MACROH2A1: variants seen among roughly 807,000 people sequenced by gnomAD.
The protein encoded by MACROH2A1 is core histone macro-H2A.1.
In MACROH2A1, 2 loss-of-function variants were observed where a neutral mutation model predicts 31.6. The observed-to-expected ratio is 0.06, with a 90% CI of 0.03 to 0.20. MACROH2A1 has a LOEUF of 0.20. MACROH2A1 is among the 10% of genes least tolerant of loss of function. The probability of loss-of-function intolerance (pLI) is 1.00; values close to 1 mark genes in which losing one functional copy is unlikely to be tolerated. For missense variants in MACROH2A1, 230 were observed against 474.0 expected, an observed-to-expected ratio of 0.49 and a Z score of 4.78; for synonymous variants, 169 against 189.6, an observed-to-expected ratio of 0.89 and a Z score of 0.89.
At chr5:135,361,760 A>G (rs1242768850) in intron 4 of MACROH2A1, 1 of 152,222 alleles carries the variant, frequency 6.6e-6, no homozygotes, top group Non-Finnish European at 1.5e-5. Context: ...TTAGGATTCA[A>G]ATTCATTAAC....
chr5:135,346,300 T>C (rs1466007582), intron 6 of MACROH2A1: 2 of 515,640 alleles, frequency 3.9e-6, no homozygotes, highest in Non-Finnish European at 7.0e-6. Context: ...TGGGTCTGAC[T>C]CAGGGTGATC....
chr5:135,345,734 A>C, intron 7 of MACROH2A1: 1 of 478,650 alleles, frequency 2.1e-6, no homozygotes, highest in South Asian at 3.2e-5. Flanking sequence ...TGATCTAGAC[A>C]TCAAACATAT....
In MACROH2A1 at chr5:135,381,598, G is replaced by C. The variant is rs142078506; in HGVS notation, c.172+7324C>G. Among the ~76,000 whole-genome samples the C allele has an allele frequency of 5.2e-3, 784 of 152,156 alleles. 5 individuals are homozygous for C. Among genetic ancestry groups the C allele is most frequent in the African/African-American group, 0.017 (715 of 41,488 alleles). The stretch of plus-strand genomic sequence containing the variant: ...CCAGTGCACTCCAGCCTGGACAACA[G>C]AGTGAGATCCTATTTCAAAAAAAAG... On this transcript the variant is annotated intron_variant, in intron 2 of 8. Coordinates refer to ENST00000511689, the MANE Select transcript of MACROH2A1 (RefSeq NM_138610.3).
chr5:135,349,109 C>T (rs1202331387), intron 6 of MACROH2A1, among the ~76,000 whole-genome samples: 1 of 152,180 alleles, frequency 6.6e-6, no homozygotes, highest in African/African-American at 2.4e-5. Flanking sequence ...TGGGCACGGC[C>T]TTCCTCAGGC....
chr5:135,361,686 G>A (rs1762866542), intron 4 of MACROH2A1: 1 of 152,326 alleles, frequency 6.6e-6, no homozygotes, highest in South Asian at 2.1e-4. Context: ...AGATGGCCAT[G>A]CTTTCCTGAA....
intron 2 of MACROH2A1, among the ~76,000 whole-genome samples, chr5:135,379,891 AC>A (rs980443104): frequency 4.0e-5 from 6 of 151,814 alleles, no homozygotes; most frequent in Non-Finnish European, 8.8e-5. Flanking sequence ...TATTGCCGAG[AC>A]CTCCTCTGTG....
At chr5:135,394,309 G>A (rs367667011) in intron 1 of MACROH2A1, among the ~76,000 whole-genome samples, 2 of 152,086 alleles carry the variant, frequency 1.3e-5, no homozygotes, top group African/African-American at 4.8e-5. Context: ...ACCTTCCCTG[G>A]CAATGATCCA....
At chr5:135,391,283 TC>T (rs369562285) in intron 1 of MACROH2A1, among the ~76,000 whole-genome samples, 21 of 152,158 alleles carry the variant, frequency 1.4e-4, no homozygotes, top group Admixed American at 3.3e-4. Context: ...TCGGAATGTC[TC>T]CCCCTTTCAG....
chr5:135,350,586 A>G (rs1025229480), intron 6 of MACROH2A1: 9 of 463,468 alleles, frequency 1.9e-5, no homozygotes, highest in African/African-American at 3.9e-5. Flanking sequence ...GATTCTGCTG[A>G]ACCAGTTTTC....
chr5:135,360,000 G>A (rs1762626072), intron 5 of MACROH2A1: 1 of 667,300 alleles, frequency 1.5e-6, no homozygotes, highest in Admixed American at 6.2e-5. Flanking sequence ...AGAGTCATCT[G>A]GTGGTTCAGT....
chr5:135,373,757 C>A (rs1329691551), intron 2 of MACROH2A1, among the ~76,000 whole-genome samples: 1 of 152,160 alleles, frequency 6.6e-6, no homozygotes, highest in Non-Finnish European at 1.5e-5. Flanking sequence ...TTTATCTGCA[C>A]AAGCCAAAAT....
chr5:135,339,214 A>G (rs114989226), intron 8 of MACROH2A1, among the ~76,000 whole-genome samples: 1 of 152,192 alleles, frequency 6.6e-6, no homozygotes, highest in Non-Finnish European at 1.5e-5. Flanking sequence ...CTTTCCCAAG[A>G]GTCCTGGACC....
At position 135,347,662 on chromosome 5, in the gene MACROH2A1, C is replaced by G. The variant is rs189772466; in HGVS notation, c.689-1605G>C. On this transcript the variant is annotated intron_variant, in intron 6 of 8. Transcript: ENST00000511689. ...GGGGGCTTAGAGCCCAACTCCACCA[C>G]TACAAAGTGGATGCAACCCAGGCGA... 5 of 152,392 alleles carry G rather than the reference C, an allele frequency of 3.3e-5. No individual in the cohort carries two copies. The East Asian group carries it at 9.7e-4, about 29-fold the overall frequency. The allele number at this position is 152,392 out of a possible 1,614,324, so 9.4% of individuals were successfully genotyped here. A position where few individuals can be genotyped will look rare whatever the true frequency, so the allele number is the denominator to read the frequency against.
chr5:135,354,931 A>G, intron 5 of MACROH2A1: 2 of 372,872 alleles, frequency 5.4e-6, no homozygotes, highest in Non-Finnish European at 1.1e-5. Flanking sequence ...GGAGAAAAAG[A>G]CTCGATCTAC....
intron 2 of MACROH2A1, among the ~76,000 whole-genome samples, chr5:135,385,639 G>A (rs960196989): frequency 6.6e-6 from 1 of 152,086 alleles, no homozygotes; most frequent in Non-Finnish European, 1.5e-5. Flanking sequence ...CTGGCACCCA[G>A]CAGGCGCATC....
chr5:135,355,962 T>C (rs574937949), intron 5 of MACROH2A1: 1 of 152,354 alleles, frequency 6.6e-6, no homozygotes, highest in Non-Finnish European at 1.5e-5. Context: ...CCTTGTGGGT[T>C]AGGAAATCAG....
chr5:135,387,722 A>G (rs1054826491), intron 2 of MACROH2A1, among the ~76,000 whole-genome samples: 49 of 152,234 alleles, frequency 3.2e-4, no homozygotes, highest in African/African-American at 1.0e-3. Flanking sequence ...CTCATCACTA[A>G]AAATGGGGTT....
chr5:135,337,420 C>A (rs1011008947), intron 8 of MACROH2A1, among the ~76,000 whole-genome samples: 2 of 152,272 alleles, frequency 1.3e-5, no homozygotes, highest in Non-Finnish European at 1.5e-5. Context: ...CTGGAACACA[C>A]CAAAAGTGTG....
chr5:135,396,085 C>G (rs550659456), intron 1 of MACROH2A1, among the ~76,000 whole-genome samples: 1 of 152,280 alleles, frequency 6.6e-6, no homozygotes, highest in Admixed American at 6.5e-5. Flanking sequence ...ATGCGCTTCC[C>G]GAGATGCACT....
Sources: allele counts gnomAD v4.1 joint callset (sites outside exome capture counted in the v4.1 genomes callset), GRCh38; gene constraint gnomAD v4.1.1; transcripts MANE v1.5; gene names NCBI Gene and HGNC (gene_info 2026-07-23, HGNC 2026-07-21).